The following MLYCD variants were observed in gnomAD, a reference collection of about 807,000 sequenced individuals.
The protein encoded by MLYCD is malonyl-CoA decarboxylase, mitochondrial.
In MLYCD, 27 loss-of-function variants were observed where a neutral mutation model predicts 35.8. The ratio of observed to expected loss-of-function variants is 0.75; its 90% CI spans 0.56 to 1.04. MLYCD has a LOEUF of 1.04. Ranked by LOEUF, MLYCD falls within the 50% of genes least tolerant of loss-of-function variation. The pLI is 0.00. For synonymous variants in MLYCD, 403 were observed against 302.4 expected, an observed-to-expected ratio of 1.33 and a Z score of -3.45; for missense variants, 917 against 665.1, an observed-to-expected ratio of 1.38 and a Z score of -4.17.
intron 2 of MLYCD, among the ~76,000 whole-genome samples, chr16:83,907,545 C>T (rs1016557038): frequency 1.3e-5 from 2 of 152,162 alleles, no homozygotes; most frequent in Non-Finnish European, 2.9e-5. Context: ...ATCCAGGACC[C>T]GTATGACACA....
At chr16:83,913,693 A>T (rs1383743137) in intron 4 of MLYCD, 1 of 151,840 alleles carries the variant, frequency 6.6e-6, no homozygotes, top group Non-Finnish European at 1.5e-5. Flanking sequence ...GCATGCCTGT[A>T]GTCCCAGCTA....
At chr16:83,911,267 C>T (rs1221441949) in intron 3 of MLYCD, among the ~76,000 whole-genome samples, 1 of 152,200 alleles carries the variant, frequency 6.6e-6, no homozygotes, top group African/African-American at 2.4e-5. Context: ...CGTGAGCCAC[C>T]GCGCCCGGCC....
chr16:83,914,368 G>T (rs908560996), intron 4 of MLYCD: 3 of 177,038 alleles, frequency 1.7e-5, no homozygotes, highest in Admixed American at 1.6e-4. Flanking sequence ...CTCGTGTGCC[G>T]AGCAGCAGAG....
Position 83,915,968 on chromosome 16 carries a change from A to G in MLYCD, c.*479A>G, listed in dbSNP as rs1479586830. ...CTCACCATGCAATGCAGAGGGACAA[A>G]GGGCTGTGCTACACTTCCCAGTTAC... On this transcript the variant is annotated 3_prime_UTR_variant, in exon 5 of 5. Transcript: ENST00000262430. The G allele has an allele frequency of 2.9e-5, 30 of 1,044,094 alleles. No homozygotes were observed. Among genetic ancestry groups the G allele is most frequent in the Non-Finnish European group, 3.5e-5 (30 of 864,304 alleles). The allele number at this position is 1,044,094 out of a possible 1,614,324, so 64.7% of individuals were successfully genotyped here.
At chr16:83,900,553 C>G (rs1417557427) in intron 1 of MLYCD, among the ~76,000 whole-genome samples, 1 of 150,298 alleles carries the variant, frequency 6.7e-6, no homozygotes, top group Non-Finnish European at 1.5e-5. Flanking sequence ...GTAGCTGGGA[C>G]TACAGGTGCA....
Position 83,921,375 on chromosome 16 carries a change from ATGG to A in MLYCD, c.*5887_*5889del, listed in dbSNP as rs1907647901. ...AAAGGAAAGGAGGATGGATGGATGG[ATGG>A]ATGGATAGATGGATGGAGGAGGGTG... is the stretch of plus-strand genomic sequence containing the variant. On this transcript the variant is annotated 3_prime_UTR_variant, in exon 5 of 5. Coordinates refer to ENST00000262430, the MANE Select transcript of MLYCD (RefSeq NM_012213.3). 7.5e-6 allele frequency: 1 copy of A among 133,506 alleles called. No individual in the cohort carries two copies. Among genetic ancestry groups the A allele is most frequent in the South Asian group, 2.8e-4 (1 of 3,596 alleles). The allele number at this position is 133,506 out of a possible 1,614,324, so 8.3% of individuals were successfully genotyped here. A position where few individuals can be genotyped will look rare whatever the true frequency, so the allele number is the denominator to read the frequency against.
intron 4 of MLYCD, 102 bp from the exon 5 acceptor site, chr16:83,914,854 C>G: frequency 6.7e-7 from 1 of 1,498,870 alleles, no homozygotes; most frequent in Admixed American, 1.7e-5. Flanking sequence ...CGCTACACAG[C>G]AGCATGTGAG....
chr16:83,910,875 G>T (rs967647465), intron 3 of MLYCD, among the ~76,000 whole-genome samples: 2 of 152,182 alleles, frequency 1.3e-5, no homozygotes, highest in African/African-American at 4.8e-5. Flanking sequence ...TCTTCACTTT[G>T]TTGGAGTCAC....
chr16:83,915,919 C>G lies in MLYCD; in HGVS notation c.*430C>G. 9.3e-7 allele frequency: 1 copy of G among 1,077,970 alleles called. No homozygotes were observed. Among genetic ancestry groups the G allele is most frequent in the Non-Finnish European group, 1.1e-6 (1 of 885,066 alleles). 66.8% of individuals were successfully genotyped at this position (1,077,970 alleles called of 1,614,324 possible). ...TCCTTTGTGCTCATAAAACAGAATG[C>G]GGCGATGGTTGCTTTAGCCGTTTCT... is the stretch of plus-strand genomic sequence containing the variant. On this transcript the variant is annotated 3_prime_UTR_variant, in exon 5 of 5. Coordinates refer to ENST00000262430, the MANE Select transcript of MLYCD (RefSeq NM_012213.3).
At chr16:83,911,177 A>C (rs1907166124) in intron 3 of MLYCD, among the ~76,000 whole-genome samples, 1 of 151,918 alleles carries the variant, frequency 6.6e-6, no homozygotes, top group Non-Finnish European at 1.5e-5. Context: ...ACGGGGTTTC[A>C]CCGTGTTAGC....
intron 2 of MLYCD, among the ~76,000 whole-genome samples, chr16:83,907,606 A>G (rs991884189): frequency 3.9e-5 from 6 of 152,210 alleles, no homozygotes; most frequent in Admixed American, 3.9e-4. Context: ...GCATCTTCAC[A>G]TTACATGTTG....
At chr16:83,913,829 T>G (rs573505579) in intron 4 of MLYCD, 45 of 146,436 alleles carry the variant, frequency 3.1e-4, no homozygotes, top group African/African-American at 1.1e-3. Flanking sequence ...AAAACAGTGG[T>G]TCGGGGTGGG....
chr16:83,899,714 G>C (rs1001423848), intron 1 of MLYCD, 42 bp downstream of exon 1: 6 of 1,481,174 alleles, frequency 4.1e-6, no homozygotes, highest in South Asian at 2.6e-5. Flanking sequence ...CGGACTGGCC[G>C]CCCTCCTCGA....
chr16:83,910,285 C>A (rs116328273), intron 3 of MLYCD, among the ~76,000 whole-genome samples: 1,802 of 151,096 alleles, frequency 0.012, 40 homozygotes, highest in African/African-American at 0.04. Context: ...ATTATACATA[C>A]CTCACTTGTA....
intron 1 of MLYCD, among the ~76,000 whole-genome samples, chr16:83,902,127 G>C (rs931725714): frequency 1.5e-5 from 2 of 129,582 alleles, no homozygotes; most frequent in Middle Eastern, 3.8e-3. Context: ...ATATGTATGT[G>C]TATATGTGTG....
chr16:83,901,732 G>T (rs568735080), intron 1 of MLYCD, among the ~76,000 whole-genome samples: 1 of 152,276 alleles, frequency 6.6e-6, no homozygotes, highest in Admixed American at 6.5e-5. Flanking sequence ...ATCCAGACTT[G>T]ACTGTTGAGA....
rs1441687999 is a variant in MLYCD, at chr16:83,919,276, A to ACATGGTGCACAGGAGAATACC, written c.*3799_*3800insGAGAATACCCATGGTGCACAG. ...CCATGCACAGTGCACAGGAGAATAC[A>ACATGGTGCACAGGAGAATACC]CATGGTGCACAGCAGAATTCACACA... On this transcript the variant is annotated 3_prime_UTR_variant, in exon 5 of 5. Coordinates refer to ENST00000262430, the MANE Select transcript of MLYCD (RefSeq NM_012213.3). 9.9e-4 allele frequency: 149 copies of ACATGGTGCACAGGAGAATACC among 150,292 alleles called. No individual in the cohort carries two copies. The highest frequency in any genetic ancestry group is 3.5e-3 in the African/African-American group (142 of 40,650). The allele number at this position is 150,292 out of a possible 1,614,324, so 9.3% of individuals were successfully genotyped here. A position where few individuals can be genotyped will look rare whatever the true frequency, so the allele number is the denominator to read the frequency against.
At position 83,915,252 on chromosome 16, in the gene MLYCD, G is replaced by C. The variant is rs758239547; in HGVS notation, c.1245G>C (p.Ala415=). ...YLYGEKHRGY[A]LNPVANFHLQ... ...ATGGAGAGAAGCACCGCGGCTACGC[G>C]CTGAACCCCGTGGCCAACTTCCACC... The change falls in exon 5 of 5, where the codon GCG becomes GCC. Residue 415 remains alanine (A), a synonymous_variant. Transcript: ENST00000262430. The C allele has an allele frequency of 1.9e-6, 3 of 1,612,642 alleles. No homozygotes were observed. The highest frequency in any genetic ancestry group is 2.5e-6 in the Non-Finnish European group (3 of 1,178,746).
intron 1 of MLYCD, among the ~76,000 whole-genome samples, chr16:83,900,582 A>ATTTTTTTTTTTTTTTTTTTTT: frequency 8.3e-6 from 1 of 121,064 alleles, no homozygotes; most frequent in Non-Finnish European, 1.7e-5. Flanking sequence ...TGCCCGGCTA[A>ATTTTTTTTTTTTTTTTTTTTT]TTTTTTTTTT....
Sources: gnomAD v4.1 joint callset for allele counts (sites outside exome capture counted in the v4.1 genomes callset) on GRCh38, gnomAD v4.1.1 for gene constraint, MANE v1.5 for transcripts, NCBI Gene and HGNC (gene_info 2026-07-23, HGNC 2026-07-21) for gene names.